Variants in MAPK15 observed in about 807,000 individuals in gnomAD.
MAPK15 encodes ERK-7.
A neutral mutation model predicts 60.8 loss-of-function variants in MAPK15; 61 were observed. The observed-to-expected ratio is 1.00, with a 90% CI of 0.82 to 1.24. The LOEUF is 1.24. MAPK15 is among the 50% of genes most tolerant of loss of function. MAPK15 has a pLI of 0.00. For synonymous variants in MAPK15, 356 were observed against 319.9 expected, an observed-to-expected ratio of 1.11 and a Z score of -1.21; for missense variants, 808 against 741.1, an observed-to-expected ratio of 1.09 and a Z score of -1.05.
intron 2 of MAPK15, 123 bp downstream of exon 2, chr8:143,717,915 G>A (rs1554618720): frequency 1.0e-5 from 15 of 1,505,172 alleles, no homozygotes; most frequent in East Asian, 4.5e-5. Flanking sequence ...GGCCTGTCTC[G>A]GAACACTGCC....
In MAPK15 at chr8:143,722,030, C is replaced by T. The variant is rs367761108; in HGVS notation, c.1459-45C>T. On this transcript the variant is annotated intron_variant, in intron 13 of 13. Transcript: ENST00000338033. ...GGACCTCAAGGCCTCCCCTCCACTG[C>T]ACCCCCTCTGATGGCCCCTTTATGT... 75 of 1,578,836 alleles carry T rather than the reference C, an allele frequency of 4.8e-5. No homozygotes were observed. The East Asian group carries it at 1.5e-3, about 31-fold the overall frequency.
rs781927995 is a variant in MAPK15, at chr8:143,720,724, C to T, written c.801C>T (p.Ala267=). Residue 267 remains alanine (A), a synonymous_variant, in exon 9 of 14, where the codon GCC becomes GCT. Coordinates refer to ENST00000338033, the MANE Select transcript of MAPK15 (RefSeq NM_139021.3). The surrounding 1 kb of genome is among the most constrained non-coding windows in gnomAD (Gnocchi z 4.6). ...LGSRPRQTLD[A]LLPPDTSPEA... ...ACAGGCCACGACAGACGCTGGATGC[C>T]CTCCTACCGCCAGACACCTCCCCAG... 3.5e-5 allele frequency: 57 copies of T among 1,612,532 alleles called. No individual in the cohort carries two copies. The highest frequency in any genetic ancestry group is 4.7e-5 in the Non-Finnish European group (56 of 1,179,510).
chr8:143,721,347 G>A lies in MAPK15; in HGVS notation c.1140G>A (p.Arg380=), dbSNP rs1554619793. 1.9e-6 allele frequency: 3 copies of A among 1,613,602 alleles called. No individual in the cohort carries two copies. Among genetic ancestry groups the A allele is most frequent in the Admixed American group, 1.7e-5 (1 of 60,010 alleles). ...GAGCCGACCCTCAGCTGCCTTCTAG[G>A]ACACCTGTGCAGGGTCCCAGACCCA... ...KPRADPQLPS[R]TPVQGPRPRP... Residue 380 remains arginine (R), a synonymous_variant, in exon 11 of 14, where the codon AGG becomes AGA. Coordinates refer to ENST00000338033, the MANE Select transcript of MAPK15 (RefSeq NM_139021.3).
Position 143,719,365 on chromosome 8 carries a change from TGG to T in MAPK15, c.605_606del (p.Trp202Ter). 1 of 1,609,366 alleles carries T rather than the reference TGG, an allele frequency of 6.2e-7. No homozygotes were observed. The highest frequency in any genetic ancestry group is 8.5e-7 in the Non-Finnish European group (1 of 1,177,760). On this transcript the variant is annotated frameshift_variant, in exon 7 of 14. Coordinates refer to ENST00000338033, the MANE Select transcript of MAPK15 (RefSeq NM_139021.3). LOFTEE classifies it high-confidence loss of function. ...CAGATACACCCTTGGGGTGGACATG[TGG>T]AGTCTGGGCTGTATCCTGGGGGAGA... is the stretch of plus-strand genomic sequence containing the variant. ...SHRYTLGVDM[W>X]SLGCILGEML...
At chr8:143,716,518 C>A (rs1225862686) in intron 1 of MAPK15, 75 bp downstream of exon 1, 16 of 1,408,984 alleles carry the variant, frequency 1.1e-5, no homozygotes, top group Admixed American at 6.9e-5. Flanking sequence ...GGGGCGCGGC[C>A]GGTCCCCTCG....
rs1266721113 is a variant in MAPK15 at position 143,722,219 on chromosome 8, C to T, written c.1603C>T (p.His535Tyr). ...YGTVCHSALG[H>Y]LPLLEGHHV ...GACTGTCTGCCACTCGGCACTGGGC[C>T]ACCTGCCCCTGCTGGAGGGGCACCA... is the stretch of plus-strand genomic sequence containing the variant. Residue 535 changes from histidine to tyrosine, a missense_variant, in exon 14 of 14, where the codon CAC becomes TAC. Coordinates refer to ENST00000338033, the MANE Select transcript of MAPK15 (RefSeq NM_139021.3). 6.3e-7 allele frequency: 1 copy of T among 1,599,228 alleles called. No homozygotes were observed. Among genetic ancestry groups the T allele is most frequent in the East Asian group, 2.2e-5 (1 of 44,664 alleles).
Position 143,721,006 on chromosome 8 carries a change from C to CT in MAPK15, c.925dup (p.Cys309LeufsTer26), listed in dbSNP as rs1554619608. On this transcript the variant is annotated frameshift_variant, in exon 10 of 14. Coordinates refer to ENST00000338033, the MANE Select transcript of MAPK15 (RefSeq NM_139021.3). LOFTEE classifies it high-confidence loss of function. ...CCTCCCTGGCTCCCTGCAGGTTCCA[C>CT]TGCCCCAGCGACGAGTGGGCACGAG... 2 of 1,609,928 alleles carry CT rather than the reference C, an allele frequency of 1.2e-6. No individual in the cohort carries two copies. The highest frequency in any genetic ancestry group is 1.7e-6 in the Non-Finnish European group (2 of 1,178,666).
rs1554619470 is a variant in MAPK15 at position 143,720,556 on chromosome 8, A to T, written c.780-147A>T. The T allele has an allele frequency of 4.1e-6, 6 of 1,469,230 alleles. No individual in the cohort carries two copies. In the African/African-American group the frequency reaches 8.5e-5, roughly 21 times the overall value. 91.0% of individuals were successfully genotyped at this position (1,469,230 alleles called of 1,614,324 possible). On this transcript the variant is annotated intron_variant, in intron 8 of 13. Coordinates refer to ENST00000338033, the MANE Select transcript of MAPK15 (RefSeq NM_139021.3). This position sits in a 1 kb window ranked among gnomAD's most constrained non-coding sequence, Gnocchi z 4.6. The stretch of plus-strand genomic sequence containing the variant: ...GTCTCTCCACCCTGCAGGGGCCCAG[A>T]CTGCCTGCAGGTCAGGCACAGGGGC...
Position 143,717,554 on chromosome 8 carries a change from C to T in MAPK15, c.67-140C>T, listed in dbSNP as rs1312431547. The T allele has an allele frequency of 2.2e-5, 15 of 690,084 alleles. No homozygotes were observed. The African/African-American group carries it at 2.5e-4, about 11-fold the overall frequency. 42.7% of individuals were successfully genotyped at this position (690,084 alleles called of 1,614,324 possible). A position where few individuals can be genotyped will look rare whatever the true frequency, so the allele number is the denominator to read the frequency against. The stretch of plus-strand genomic sequence containing the variant: ...GGAAGATGTCGGAGTCTAGGGCAGC[C>T]TGCAGTTGCGGGAGCCCACACTCCC... On this transcript the variant is annotated intron_variant, in intron 1 of 13. Coordinates refer to ENST00000338033, the MANE Select transcript of MAPK15 (RefSeq NM_139021.3).
At chr8:143,721,155 G>A in intron 10 of MAPK15, 50 bp downstream of exon 10, 3 of 1,595,414 alleles carry the variant, frequency 1.9e-6, no homozygotes, top group Non-Finnish European at 1.7e-6. Context: ...CACCCTGGAG[G>A]CTGCCTCCTA....
chr8:143,719,033 T>C lies in MAPK15; in HGVS notation c.458T>C (p.Leu153Pro). 1 of 1,603,084 alleles carries C rather than the reference T, an allele frequency of 6.2e-7. No individual in the cohort carries two copies. Among genetic ancestry groups the C allele is most frequent in the Non-Finnish European group, 8.5e-7 (1 of 1,175,446 alleles). The change falls in exon 6 of 14, where the codon CTG becomes CCG. Residue 153 changes from leucine to proline, a missense_variant. Physicochemically the swap from Leu to Pro is moderately conservative, Grantham distance 98. Coordinates refer to ENST00000338033, the MANE Select transcript of MAPK15 (RefSeq NM_139021.3). ...CTGGATGCCAACTGCACAGTGAAGC[T>C]GTGTGACTTTGGCCTGGCCCGCTCC... ...VLLDANCTVK[L>P]CDFGLARSLG...
Position 143,720,416 on chromosome 8 carries a change from C to A in MAPK15, c.779+129C>A. 6.9e-7 allele frequency: 1 copy of A among 1,450,726 alleles called. No individual in the cohort carries two copies. The highest frequency in any genetic ancestry group is 1.5e-5 in the South Asian group (1 of 68,270). 89.9% of individuals were successfully genotyped at this position (1,450,726 alleles called of 1,614,324 possible). On this transcript the variant is annotated intron_variant, in intron 8 of 13. Transcript: ENST00000338033. This position sits in a 1 kb window ranked among gnomAD's most constrained non-coding sequence, Gnocchi z 4.6. ...CTGCCTGTTTTCAAGATGGCAGTCC[C>A]AAACCCAACAACTGTTGGCCACACT...
At chr8:143,717,166 G>C (rs1178154755) in intron 1 of MAPK15, among the ~76,000 whole-genome samples, 12 of 152,114 alleles carry the variant, frequency 7.9e-5, no homozygotes, top group African/African-American at 2.7e-4. Context: ...GCAGCTGCTG[G>C]TGTCACTTTA....
Position 143,717,675 on chromosome 8 carries a change from T to C in MAPK15, c.67-19T>C, listed in dbSNP as rs374330013. 1,246 of 1,583,276 alleles carry C rather than the reference T, an allele frequency of 7.9e-4. 2 individuals carry two copies. Among genetic ancestry groups the C allele is most frequent in the Non-Finnish European group, 7.0e-4 (810 of 1,163,758 alleles). On this transcript the variant is annotated intron_variant, in intron 1 of 13. Transcript: ENST00000338033. ...ATGGGGGGAAGGGGCTGGCCCTGTG[T>C]GACGGCACTCCTTCCCAGGCCTATG...
chr8:143,720,091 G>C lies in MAPK15; in HGVS notation c.722-139G>C. ...GGGTGGCACGCCCTGGTGATGGGGTGTTTGAGCCCCGCCAGACAGCAGAAA... is the reference window on the plus strand; with the variant it reads ...GGGTGGCACGCCCTGGTGATGGGGTCTTTGAGCCCCGCCAGACAGCAGAAA... On this transcript the variant is annotated intron_variant, in intron 7 of 13. Transcript: ENST00000338033. The surrounding 1 kb of genome is among the most constrained non-coding windows in gnomAD (Gnocchi z 4.6). 2.3e-6 allele frequency: 3 copies of C among 1,306,382 alleles called. No individual in the cohort carries two copies. Among genetic ancestry groups the C allele is most frequent in the Non-Finnish European group, 3.1e-6 (3 of 954,138 alleles). 80.9% of individuals were successfully genotyped at this position (1,306,382 alleles called of 1,614,324 possible). A position where few individuals can be genotyped will look rare whatever the true frequency, so the allele number is the denominator to read the frequency against.
Position 143,721,805 on chromosome 8 carries a change from T to C in MAPK15, c.1383T>C (p.Ala461=). 1 of 1,612,718 alleles carries C rather than the reference T, an allele frequency of 6.2e-7. No individual in the cohort carries two copies. Among genetic ancestry groups the C allele is most frequent in the African/African-American group, 1.3e-5 (1 of 74,936 alleles). The change falls in exon 13 of 14, where the codon GCT becomes GCC. Residue 461 remains alanine, a synonymous_variant. Coordinates refer to ENST00000338033, the MANE Select transcript of MAPK15 (RefSeq NM_139021.3). Reference sequence around the variant, plus strand: ...CCTCCCTGACCTCCCAGGCTGCGGCTCAGGTGGCCAACCAGGCCCTGATCC... The same window carrying C: ...CCTCCCTGACCTCCCAGGCTGCGGCCCAGGTGGCCAACCAGGCCCTGATCC... ...AAPSLTSQAA[A]QVANQALIRG...
chr8:143,721,247 G>A lies in MAPK15; in HGVS notation c.1040G>A (p.Gly347Glu). Residue 347 changes from glycine to glutamate, a missense_variant, in exon 11 of 14, where the codon GGA becomes GAA. Physicochemically the swap from Gly to Glu is moderately conservative, Grantham distance 98 (BLOSUM62 -2). Transcript: ENST00000338033. Reference sequence around the variant, plus strand: ...CTCCCGCAGATGATCCTGGAGTGTGGAGGCAGCAGCGGCACCTCGAGAGAG... The same window carrying A: ...CTCCCGCAGATGATCCTGGAGTGTGAAGGCAGCAGCGGCACCTCGAGAGAG... The part of the protein sequence containing the change: ...SRVYQMILEC[G>E]GSSGTSREKG... The A allele has an allele frequency of 6.2e-7, 1 of 1,611,628 alleles. No homozygotes were observed.
Position 143,716,439 on chromosome 8 carries a change from AG to A in MAPK15, c.66+1del. 1.2e-6 allele frequency: 2 copies of A among 1,602,294 alleles called. No homozygotes were observed. The highest frequency in any genetic ancestry group is 8.5e-7 in the Non-Finnish European group (1 of 1,175,650). ...RRYLLRRQLG[Q>X]GAYGIVWKAV... ...TACCTACTCAGGCGGCAGCTCGGGC[AG>A]GGGGTGAGTGCCTGGGGGTGCGTCC... On this transcript the variant is annotated frameshift_variant, in exon 1 of 14. Coordinates refer to ENST00000338033, the MANE Select transcript of MAPK15 (RefSeq NM_139021.3). LOFTEE classifies it high-confidence loss of function.
rs542981027 is a variant in MAPK15 at position 143,718,483 on chromosome 8, C to T, written c.286+181C>T. 1.3e-5 allele frequency: 9 copies of T among 676,156 alleles called. No individual in the cohort carries two copies. The East Asian group carries it at 2.2e-4, about 16-fold the overall frequency. 41.9% of individuals were successfully genotyped at this position (676,156 alleles called of 1,614,324 possible). A position where few individuals can be genotyped will look rare whatever the true frequency, so the allele number is the denominator to read the frequency against. On this transcript the variant is annotated intron_variant, in intron 4 of 13. Transcript: ENST00000338033. ...GACTAGTGTCAGCCTCCAGAGCCAG[C>T]AGCGACCCCTTTCGTCCCACCTGCC...
Sources: gnomAD v4.1 joint callset for allele counts (sites outside exome capture counted in the v4.1 genomes callset) on GRCh38, gnomAD v4.1.1 for gene constraint, Gnocchi (gnomAD v3.1) non-coding constraint, MANE v1.5 for transcripts, NCBI Gene and HGNC (gene_info 2026-07-23, HGNC 2026-07-21) for gene names.